The following LARP1B variants were observed in gnomAD, a reference collection of about 807,000 sequenced individuals.
LARP1B encodes the protein la-related protein 1B.
Under a neutral mutation model 114.2 loss-of-function variants are expected in LARP1B, and 76 were observed. The ratio of observed to expected loss-of-function variants is 0.67; its 90% confidence interval spans 0.55 to 0.81. The LOEUF (loss-of-function observed/expected upper bound fraction) is 0.81. Among genes scored for constraint, LARP1B ranks in the 30% least tolerant of loss-of-function variants. The probability of loss-of-function intolerance (pLI) is 0.00; values close to 1 mark genes in which losing one functional copy is unlikely to be tolerated. For missense variants in LARP1B, 1,014 were observed against 1,075.8 expected, an observed-to-expected ratio of 0.94 and a Z score of 0.80; for synonymous variants, 345 against 348.0, an observed-to-expected ratio of 0.99 and a Z score of 0.10.
chr4:128,157,260 G>GATC (rs1166270677), intron 11 of LARP1B, among the ~76,000 whole-genome samples: 2 of 152,130 alleles, frequency 1.3e-5, no homozygotes, highest in Admixed American at 1.3e-4. Flanking sequence ...CTTAATAGTA[G>GATC]ATCAGGACAG....
intron 5 of LARP1B, among the ~76,000 whole-genome samples, chr4:128,088,636 C>G (rs1023864816): frequency 6.6e-6 from 1 of 152,124 alleles, no homozygotes; most frequent in African/African-American, 2.4e-5. Flanking sequence ...AGACTGCAGA[C>G]TACACTCTGT....
At chr4:128,170,963 A>T (rs1186895289) in intron 12 of LARP1B, among the ~76,000 whole-genome samples, 1 of 136,436 alleles carries the variant, frequency 7.3e-6, no homozygotes, top group East Asian at 2.1e-4. Context: ...TTTATGTACT[A>T]TGAATTTGGA....
intron 11 of LARP1B, among the ~76,000 whole-genome samples, chr4:128,148,710 A>T (rs879549951): frequency 6.6e-6 from 1 of 151,632 alleles, no homozygotes; most frequent in African/African-American, 2.4e-5. Context: ...GCTCATTGCA[A>T]CCTCCACCCT....
chr4:128,082,425 C>T (rs1006678330), intron 5 of LARP1B, 120 bp downstream of exon 5: 5 of 762,056 alleles, frequency 6.6e-6, no homozygotes, highest in Non-Finnish European at 1.1e-5. Flanking sequence ...GTCCCTTTAA[C>T]CCCAAATACC....
chr4:128,094,384 TTTTC>T (rs1287122849), intron 7 of LARP1B, among the ~76,000 whole-genome samples: 1 of 150,132 alleles, frequency 6.7e-6, no homozygotes, highest in African/African-American at 2.5e-5. Context: ...TTTTTTCCTT[TTTTC>T]TTTTTCTTTT....
chr4:128,110,685 A>AAAAAAAAG (rs1222733931), intron 9 of LARP1B, among the ~76,000 whole-genome samples: 9 of 142,512 alleles, frequency 6.3e-5, no homozygotes, highest in Non-Finnish European at 1.4e-4. Context: ...TCAAAAAAAA[A>AAAAAAAAG]AAAAAAAAGA....
At chr4:128,103,927 A>G (rs1312427912) in intron 8 of LARP1B, among the ~76,000 whole-genome samples, 2 of 151,478 alleles carry the variant, frequency 1.3e-5, no homozygotes, top group African/African-American at 4.9e-5. Context: ...TACATAAAGA[A>G]CTTTGAGCTT....
rs768106673 is a variant in LARP1B, at chr4:128,200,509, A to T, written c.2165-12A>T. 2.1e-5 allele frequency: 30 copies of T among 1,397,922 alleles called. No homozygotes were observed. Among genetic ancestry groups the T allele is most frequent in the African/African-American group, 3.0e-5 (2 of 67,282 alleles). The allele number at this position is 1,397,922 out of a possible 1,614,324, so 86.6% of individuals were successfully genotyped here. ...TGTTTAATAAAATAATATTTTATTTAACTTTTTTCAGAGAGAAAACGCTTG... is the reference window on the plus strand; with the variant it reads ...TGTTTAATAAAATAATATTTTATTTTACTTTTTTCAGAGAGAAAACGCTTG... On this transcript the variant is annotated splice_polypyrimidine_tract_variant and intron_variant, in intron 16 of 19. Coordinates refer to ENST00000326639, the MANE Select transcript of LARP1B (RefSeq NM_018078.4).
intron 5 of LARP1B, among the ~76,000 whole-genome samples, chr4:128,083,803 AC>A (rs1158658923): frequency 2.1e-4 from 27 of 126,724 alleles, no homozygotes; most frequent in African/African-American, 8.1e-4. Flanking sequence ...CGGGGGGCTG[AC>A]CCCCCCACCT....
chr4:128,086,986 T>G (rs546778445), intron 5 of LARP1B, among the ~76,000 whole-genome samples: 2 of 152,256 alleles, frequency 1.3e-5, no homozygotes, highest in African/African-American at 4.8e-5. Flanking sequence ...ACTTTTTTTT[T>G]GTCTTGAGAC....
chr4:128,120,372 T>A (rs920338582), intron 10 of LARP1B, among the ~76,000 whole-genome samples: 2 of 152,022 alleles, frequency 1.3e-5, no homozygotes, highest in African/African-American at 4.8e-5. Context: ...CTGTTGGGAG[T>A]TTTAAACTAG....
intron 3 of LARP1B, among the ~76,000 whole-genome samples, chr4:128,076,732 G>C (rs1046595169): frequency 6.6e-6 from 1 of 151,384 alleles, no homozygotes; most frequent in Non-Finnish European, 1.5e-5. Context: ...TCTCTTTTTT[G>C]TGTGTGTGTG....
downstream of LARP1B, among the ~76,000 whole-genome samples, chr4:128,214,110 C>T (rs541900493): frequency 1.0e-3 from 143 of 141,406 alleles, 1 homozygote; most frequent in South Asian, 5.2e-3. Context: ...TAAAAAACGG[C>T]GCACCACGAG....
intron 11 of LARP1B, chr4:128,123,489 T>C: frequency 1.6e-6 from 1 of 641,444 alleles, no homozygotes; most frequent in Non-Finnish European, 1.9e-6. Flanking sequence ...CCCAGCTTTG[T>C]TTTTCACCAT....
intron 11 of LARP1B, among the ~76,000 whole-genome samples, chr4:128,149,297 T>C (rs1731658428): frequency 6.6e-6 from 1 of 152,196 alleles, no homozygotes; most frequent in South Asian, 2.1e-4. Flanking sequence ...GAAAGCTTTA[T>C]AGGAATTTAG....
intron 11 of LARP1B, among the ~76,000 whole-genome samples, chr4:128,155,208 T>G (rs911756420): frequency 4.6e-5 from 7 of 152,074 alleles, no homozygotes; most frequent in African/African-American, 1.7e-4. Flanking sequence ...GTGCATCCAG[T>G]TGTGGTAGAC....
chr4:128,091,308 A>T, intron 6 of LARP1B, 39 bp from the exon 7 acceptor site: 1 of 1,558,256 alleles, frequency 6.4e-7, no homozygotes, highest in Admixed American at 1.9e-5. Context: ...ATTTTTTTCT[A>T]ATATGTGATT....
At chr4:128,122,998 T>C (rs1241378362) in intron 11 of LARP1B, 5 of 984,294 alleles carry the variant, frequency 5.1e-6, no homozygotes, top group Non-Finnish European at 6.0e-6. Flanking sequence ...TAAGGGAAAA[T>C]TATATAACAT....
At chr4:128,219,995 C>T (rs1402657394) in intron 6 of LARP1B, among the ~76,000 whole-genome samples, 9 of 152,150 alleles carry the variant, frequency 5.9e-5, no homozygotes, top group Non-Finnish European at 1.2e-4. Context: ...AAGCGATTCT[C>T]CTGCCTCAGC....
Sources: allele counts gnomAD v4.1 joint callset (sites outside exome capture counted in the v4.1 genomes callset), GRCh38; gene constraint gnomAD v4.1.1; transcripts MANE v1.5; gene names NCBI Gene and HGNC (gene_info 2026-07-23, HGNC 2026-07-21).